The following ESF1 variants were observed in gnomAD, a reference collection of about 807,000 sequenced individuals.
ESF1 encodes the protein ESF1 homolog.
In ESF1, 58 loss-of-function variants were observed where a neutral mutation model predicts 92.0. The ratio of observed to expected loss-of-function variants is 0.63; its 90% CI spans 0.51 to 0.78. The LOEUF (loss-of-function observed/expected upper bound fraction) is 0.78, where lower values mean the gene tolerates loss of function less well. Among genes scored for constraint, ESF1 ranks in the 30% least tolerant of loss-of-function variants. ESF1 has a pLI of 0.00. For synonymous variants in ESF1, 321 were observed against 313.7 expected, an observed-to-expected ratio of 1.02 and a Z score of -0.24; for missense variants, 922 against 989.1, an observed-to-expected ratio of 0.93 and a Z score of 0.91.
chr20:13,721,231 A>G (rs1472955469), intron 11 of ESF1, among the ~76,000 whole-genome samples: 1 of 152,264 alleles, frequency 6.6e-6, no homozygotes, highest in Admixed American at 6.5e-5. Context: ...GAGAATTCAC[A>G]GACAAAACCA....
At position 13,771,392 on chromosome 20, in the gene ESF1, TACTAGCTGTTTCCGGA is replaced by T. The variant is rs376170071; in HGVS notation, c.1326_1341del (p.Pro443LysfsTer18). 1 of 1,612,984 alleles carries T rather than the reference TACTAGCTGTTTCCGGA, an allele frequency of 6.2e-7. No homozygotes were observed. Among genetic ancestry groups the T allele is most frequent in the Non-Finnish European group, 8.5e-7 (1 of 1,179,596 alleles). Reference sequence around the variant, plus strand: ...AGGCCATCACAATCCTCATAAATTTTACTAGCTGTTTCCGGAGAATCACAGTCTACTACTGCATAAT... The same window carrying T: ...AGGCCATCACAATCCTCATAAATTTTGAATCACAGTCTACTACTGCATAAT... On this transcript the variant is annotated frameshift_variant, in exon 6 of 14. Coordinates refer to ENST00000617257, the MANE Select transcript of ESF1 (RefSeq NM_001276380.2). LOFTEE classifies it high-confidence loss of function.
At chr20:13,771,551 T>C (rs1979685371) in intron 5 of ESF1, 68 bp from the exon 6 acceptor site, 6 of 1,296,704 alleles carry the variant, frequency 4.6e-6, no homozygotes, top group Non-Finnish European at 6.5e-6. Context: ...AAAAAATAAA[T>C]GTAATTCTTT....
intron 9 of ESF1, among the ~76,000 whole-genome samples, chr20:13,735,941 T>G (rs1420556246): frequency 6.6e-6 from 1 of 152,140 alleles, no homozygotes; most frequent in Non-Finnish European, 1.5e-5. Context: ...AGTTATGGAC[T>G]CTAACACTGT....
At chr20:13,768,508 G>A (rs1979529334) in intron 7 of ESF1, among the ~76,000 whole-genome samples, 1 of 152,010 alleles carries the variant, frequency 6.6e-6, no homozygotes, top group Non-Finnish European at 1.5e-5. Context: ...CTTGAACCTG[G>A]GAGGCAGAGG....
At chr20:13,756,185 C>A (rs992540018) in intron 9 of ESF1, among the ~76,000 whole-genome samples, 2 of 152,166 alleles carry the variant, frequency 1.3e-5, no homozygotes, top group African/African-American at 4.8e-5. Context: ...GTTCCAATTT[C>A]CATATGAATA....
intron 9 of ESF1, among the ~76,000 whole-genome samples, chr20:13,740,607 T>C (rs1394244810): frequency 6.6e-6 from 1 of 151,992 alleles, no homozygotes; most frequent in Non-Finnish European, 1.5e-5. Flanking sequence ...TAAGAGAAAA[T>C]GGTGGAAAAG....
Position 13,771,438 on chromosome 20 carries a change from C to T in ESF1, c.1296G>A (p.Lys432=), listed in dbSNP as rs774500422. ...KLRDYQFKRL[K]YYYAVVDCDS... ...CACAGTCTACTACTGCATAATAGTA[C>T]TTCAGTCGTTTGAATTGATAATCTC... Residue 432 remains lysine, a synonymous_variant, in exon 6 of 14, where the codon AAG becomes AAA. Transcript: ENST00000617257. 1 of 1,612,984 alleles carries T rather than the reference C, an allele frequency of 6.2e-7. No homozygotes were observed. Among genetic ancestry groups the T allele is most frequent in the Admixed American group, 1.7e-5 (1 of 59,976 alleles).
At position 13,775,280 on chromosome 20, in the gene ESF1, GAGA is replaced by G. The variant is rs549951677; in HGVS notation, c.1036-13_1036-11del. On this transcript the variant is annotated splice_polypyrimidine_tract_variant and intron_variant, in intron 3 of 13. Coordinates refer to ENST00000617257, the MANE Select transcript of ESF1 (RefSeq NM_001276380.2). ...CTAATCGACGTGTAATCTGAGAAAT[GAGA>G]AGAATTAAATAGTACATAATCCATA... The G allele has an allele frequency of 7.3e-5, 111 of 1,514,568 alleles. No individual in the cohort carries two copies. In the African/African-American group the frequency reaches 1.3e-3, roughly 18 times the overall value. 93.8% of individuals were successfully genotyped at this position (1,514,568 alleles called of 1,614,324 possible). A position where few individuals can be genotyped will look rare whatever the true frequency, so the allele number is the denominator to read the frequency against.
intron 1 of ESF1, among the ~76,000 whole-genome samples, chr20:13,783,956 T>C (rs1344674768): frequency 1.3e-5 from 2 of 152,252 alleles, no homozygotes; most frequent in African/African-American, 4.8e-5. Context: ...GCATTCTAAC[T>C]AAACAGACCA....
In ESF1 at chr20:13,775,869, T is replaced by A. The variant is rs373984953; in HGVS notation, c.1035+4A>T. The A allele has an allele frequency of 2.6e-4, 421 of 1,590,714 alleles. 1 individual carries two copies. In the African/African-American group the frequency reaches 4.9e-3, roughly 19 times the overall value. ...CAAATAATCTTGTTTATTCAAAAGG[T>A]TACCTCATCAGCACGAGGAGCATCT... is the stretch of plus-strand genomic sequence containing the variant. On this transcript the variant is annotated splice_donor_region_variant and intron_variant, in intron 3 of 13. Coordinates refer to ENST00000617257, the MANE Select transcript of ESF1 (RefSeq NM_001276380.2).
At chr20:13,772,474 A>G in intron 5 of ESF1, 41 bp downstream of exon 5, 1 of 1,409,080 alleles carries the variant, frequency 7.1e-7, no homozygotes, top group Non-Finnish European at 1.0e-6. Context: ...AATGACATGA[A>G]TTTATGAGGT....
At chr20:13,754,536 T>C (rs1978793094) in intron 9 of ESF1, among the ~76,000 whole-genome samples, 1 of 151,066 alleles carries the variant, frequency 6.6e-6, no homozygotes, top group Non-Finnish European at 1.5e-5. Flanking sequence ...CCTTGGCATG[T>C]CTATTTAGGT....
chr20:13,752,206 G>A (rs1362200774), intron 9 of ESF1, among the ~76,000 whole-genome samples: 1 of 152,102 alleles, frequency 6.6e-6, no homozygotes, highest in Non-Finnish European at 1.5e-5. Flanking sequence ...ACAGTATGAA[G>A]TTATAGCTTA....
intron 8 of ESF1, chr20:13,762,739 A>C (rs1979255601): frequency 2.9e-6 from 1 of 339,894 alleles, no homozygotes; most frequent in Non-Finnish European, 5.5e-6. Context: ...TGATGTATCT[A>C]TGAGAGGTAC....
At chr20:13,771,995 TCA>T (rs771864764) in intron 5 of ESF1, among the ~76,000 whole-genome samples, 55 of 150,806 alleles carry the variant, frequency 3.6e-4, no homozygotes, top group Non-Finnish European at 6.1e-4. Context: ...CTCTCTCCTG[TCA>T]CTAATCTATT....
rs1353837782 is a variant in ESF1, at chr20:13,782,525, T to C, written c.616A>G (p.Thr206Ala). 3.2e-6 allele frequency: 5 copies of C among 1,551,420 alleles called. No homozygotes were observed. Among genetic ancestry groups the C allele is most frequent in the Non-Finnish European group, 4.3e-6 (5 of 1,159,856 alleles). ...VKSPRIECSK[T>A]RREMQSVVQL... ...CTACCTGATTGCATTTCTCTTCTTGTCTTAGAACACTCGATTCTGGGAGAT... is the reference window on the plus strand; with the variant it reads ...CTACCTGATTGCATTTCTCTTCTTGCCTTAGAACACTCGATTCTGGGAGAT... Residue 206 changes from threonine (T) to alanine (A), a missense_variant, in exon 2 of 14, where the codon ACA becomes GCA. Coordinates refer to ENST00000617257, the MANE Select transcript of ESF1 (RefSeq NM_001276380.2).
At chr20:13,771,005 T>C (rs1178204044) in intron 6 of ESF1, among the ~76,000 whole-genome samples, 1 of 152,222 alleles carries the variant, frequency 6.6e-6, no homozygotes, top group Non-Finnish European at 1.5e-5. Context: ...TGCCCCTTCC[T>C]CCATGCATTT....
At chr20:13,782,368 G>T in intron 2 of ESF1, 136 bp downstream of exon 2, 2 of 696,800 alleles carry the variant, frequency 2.9e-6, no homozygotes, top group African/African-American at 1.9e-5. Context: ...TTCTTTTATA[G>T]CTTTGTATTT....
At chr20:13,742,469 T>A (rs1038360061) in intron 9 of ESF1, among the ~76,000 whole-genome samples, 13 of 150,662 alleles carry the variant, frequency 8.6e-5, no homozygotes, top group Admixed American at 7.9e-4. Context: ...AGACTCTGTC[T>A]CAAAAAGAAA....
Sources: gnomAD v4.1 joint callset for allele counts (sites outside exome capture counted in the v4.1 genomes callset) on GRCh38, gnomAD v4.1.1 for gene constraint, MANE v1.5 for transcripts, NCBI Gene and HGNC (gene_info 2026-07-23, HGNC 2026-07-21) for gene names.